The following LINGO2 variants were observed in gnomAD, a reference collection of about 807,000 sequenced individuals.
The protein encoded by LINGO2 is leucine-rich repeat and immunoglobulin-like domain-containing nogo receptor-interacting protein 2.
Under a neutral mutation model 30.6 loss-of-function variants are expected in LINGO2, and 14 were observed. The observed-to-expected ratio is 0.46, with a 90% CI of 0.30 to 0.72. LINGO2 has a LOEUF of 0.72. Ranked by LOEUF, LINGO2 falls within the 30% of genes least tolerant of loss-of-function variation. The pLI is 0.07. For missense variants in LINGO2, 729 were observed against 751.7 expected, an observed-to-expected ratio of 0.97 and a Z score of 0.35; for synonymous variants, 317 against 288.5, an observed-to-expected ratio of 1.10 and a Z score of -1.00.
At chr9:28,178,616 T>G (rs921655004) in intron 4 of LINGO2, among the ~76,000 whole-genome samples, 1 of 152,188 alleles carries the variant, frequency 6.6e-6, no homozygotes, top group Non-Finnish European at 1.5e-5. Context: ...CGGAACATTT[T>G]GTTCTCCATC....
chr9:29,174,989 A>T, the LINGO2 span, among the ~76,000 whole-genome samples: 3 of 152,144 alleles, frequency 2.0e-5, no homozygotes, highest in African/African-American at 7.2e-5. Flanking sequence ...GGCTGGGTGC[A>T]GTGGCTCATG....
intron 4 of LINGO2, among the ~76,000 whole-genome samples, chr9:28,080,151 T>C (rs1456861563): frequency 6.6e-6 from 1 of 152,232 alleles, no homozygotes; most frequent in African/African-American, 2.4e-5. Context: ...ATGCCTCCCA[T>C]GGGACATGTT....
rs552522286 is a variant in LINGO2, at chr9:28,335,769, A to C, written c.-246+37067T>G. ...CATTTTTGAAAGCATTCAAATTTTA[A>C]AAATATGAATTATTGGCTGAGTAAT... On this transcript the variant is annotated intron_variant, in intron 3 of 5. Coordinates refer to ENST00000379992, the Ensembl canonical transcript of LINGO2. Among the ~76,000 whole-genome samples, 15 of 152,318 alleles carry C rather than the reference A, an allele frequency of 9.8e-5. No individual in the cohort carries two copies. The East Asian group carries it at 2.1e-3, about 22-fold the overall frequency.
the LINGO2 span, among the ~76,000 whole-genome samples, chr9:28,759,556 C>A: frequency 2.0e-5 from 3 of 151,846 alleles, no homozygotes; most frequent in Non-Finnish European, 4.4e-5. Context: ...GTGACAGGCG[C>A]CTGCAGTCCC....
chr9:28,003,426 G>GAAC (rs1822083995), intron 5 of LINGO2, among the ~76,000 whole-genome samples: 1 of 152,000 alleles, frequency 6.6e-6, no homozygotes, highest in Non-Finnish European at 1.5e-5. Context: ...TTATTTCAGT[G>GAAC]TTTACTATTA....
At chr9:28,414,207 G>T (rs1822883844) in intron 2 of LINGO2, among the ~76,000 whole-genome samples, 1 of 151,930 alleles carries the variant, frequency 6.6e-6, no homozygotes, top group Non-Finnish European at 1.5e-5. Flanking sequence ...TACTGTTTTG[G>T]GAGTCAGAAG....
At chr9:28,016,091 A>G (rs769916573) in intron 4 of LINGO2, among the ~76,000 whole-genome samples, 2 of 151,410 alleles carry the variant, frequency 1.3e-5, no homozygotes, top group East Asian at 1.9e-4. Flanking sequence ...GTGGCATTTG[A>G]TCCTGATTTT....
At chr9:28,399,504 G>T (rs983552432) in intron 2 of LINGO2, among the ~76,000 whole-genome samples, 1 of 151,946 alleles carries the variant, frequency 6.6e-6, no homozygotes, top group African/African-American at 2.4e-5. Context: ...AAAATGATGA[G>T]AAATAGAAAC....
At chr9:28,289,881 TG>T (rs922664824) in intron 4 of LINGO2, among the ~76,000 whole-genome samples, 16 of 152,166 alleles carry the variant, frequency 1.1e-4, no homozygotes, top group African/African-American at 2.9e-4. Flanking sequence ...CCCTCCACAT[TG>T]TAATTCAGGA....
chr9:28,174,535 C>A (rs1828689143), intron 4 of LINGO2, among the ~76,000 whole-genome samples: 1 of 152,060 alleles, frequency 6.6e-6, no homozygotes, highest in Non-Finnish European at 1.5e-5. Flanking sequence ...TTCACATAAG[C>A]ATGTGCACTT....
At chr9:29,207,427 G>A in the LINGO2 span, among the ~76,000 whole-genome samples, 1 of 151,978 alleles carries the variant, frequency 6.6e-6, no homozygotes, top group Non-Finnish European at 1.5e-5. Context: ...GAGATTGTCT[G>A]AAGACACAAA....
chr9:28,007,333 T>C (rs1359393562), intron 5 of LINGO2, among the ~76,000 whole-genome samples: 1 of 151,990 alleles, frequency 6.6e-6, no homozygotes, highest in African/African-American at 2.4e-5. Flanking sequence ...AACAATTGCA[T>C]GGTAGAAGAG....
chr9:28,891,564 A>C, the LINGO2 span, among the ~76,000 whole-genome samples: 1 of 151,922 alleles, frequency 6.6e-6, no homozygotes, highest in Non-Finnish European at 1.5e-5. Flanking sequence ...ATTATAATGA[A>C]GTCTGGTACC....
At chr9:29,068,404 A>G in the LINGO2 span, among the ~76,000 whole-genome samples, 1 of 151,906 alleles carries the variant, frequency 6.6e-6, no homozygotes, top group Non-Finnish European at 1.5e-5. Context: ...CTAAAAGCCA[A>G]TGTGCAATAA....
intron 1 of LINGO2, among the ~76,000 whole-genome samples, chr9:28,592,941 T>C (rs761909618): frequency 1.3e-5 from 2 of 152,104 alleles, no homozygotes; most frequent in Non-Finnish European, 2.9e-5. Context: ...TTTGAGCCAA[T>C]GGAACTATGT....
chr9:28,854,523 C>G, the LINGO2 span, among the ~76,000 whole-genome samples: 2 of 151,864 alleles, frequency 1.3e-5, no homozygotes, highest in Non-Finnish European at 2.9e-5. Flanking sequence ...AATGGAATCT[C>G]CACAGAGTTG....
intron 1 of LINGO2, among the ~76,000 whole-genome samples, chr9:28,510,002 C>T (rs183911836): frequency 3.9e-5 from 6 of 152,350 alleles, no homozygotes; most frequent in African/African-American, 1.4e-4. Flanking sequence ...GGCAGTTGCT[C>T]AGCTTGCCCT....
At chr9:28,179,458 A>G (rs1236725957) in intron 4 of LINGO2, among the ~76,000 whole-genome samples, 1 of 138,084 alleles carries the variant, frequency 7.2e-6, no homozygotes, top group South Asian at 2.2e-4. Flanking sequence ...CATATACTAT[A>G]GTGTATATAT....
Position 28,067,019 on chromosome 9 carries a change from T to C in LINGO2, c.-86-54614A>G, listed in dbSNP as rs1587802008. Among the ~76,000 whole-genome samples the C allele has an allele frequency of 2.7e-5, 4 of 150,720 alleles. No individual in the cohort carries two copies. In the East Asian group the frequency reaches 5.8e-4, roughly 22 times the overall value. ...GAGATTTAAATATAATTTAGGCCTC[T>C]CTACTCACCTCGTTATTTGCTTAAT... On this transcript the variant is annotated intron_variant, in intron 4 of 5. Coordinates refer to ENST00000379992, the Ensembl canonical transcript of LINGO2.
Sources: gnomAD v4.1 joint callset for allele counts (sites outside exome capture counted in the v4.1 genomes callset) on GRCh38, gnomAD v4.1.1 for gene constraint, MANE v1.5 for transcripts, NCBI Gene and HGNC (gene_info 2026-07-23, HGNC 2026-07-21) for gene names.